The following TAS2R1 variants were observed in gnomAD, a reference collection of about 807,000 sequenced individuals.
The protein encoded by TAS2R1 is taste 2 receptor member 1.
For missense variants in TAS2R1, 370 were observed against 353.4 expected (o/e 1.05, Z -0.38); for synonymous variants, 141 against 134.2 (o/e 1.05, Z -0.35).
At chr5:9,870,635 C>A in the TAS2R1 span, among the ~76,000 whole-genome samples, 1 of 152,030 alleles carries the variant, frequency 6.6e-6, no homozygotes, top group Non-Finnish European at 1.5e-5. Context: ...TAAATAATGG[C>A]AAACATAGAA....
chr5:9,830,930 G>A, the TAS2R1 span, among the ~76,000 whole-genome samples: 1 of 152,104 alleles, frequency 6.6e-6, no homozygotes. Flanking sequence ...TGACTCAGAG[G>A]CTTTAGTCTT....
chr5:9,786,748 T>A, the TAS2R1 span, among the ~76,000 whole-genome samples: 6 of 152,314 alleles, frequency 3.9e-5, no homozygotes, highest in South Asian at 1.2e-3. Context: ...AAGGACTGTT[T>A]GTGAAATAAG....
chr5:9,834,138 G>T, the TAS2R1 span, among the ~76,000 whole-genome samples: 1 of 152,196 alleles, frequency 6.6e-6, no homozygotes, highest in Non-Finnish European at 1.5e-5. Context: ...TAGGGAAAGG[G>T]CAGGAAGCAG....
At chr5:9,872,538 A>G in the TAS2R1 span, among the ~76,000 whole-genome samples, 1 of 152,258 alleles carries the variant, frequency 6.6e-6, no homozygotes, top group Admixed American at 6.5e-5. Context: ...ATATTTAATT[A>G]GATATTTCCA....
the TAS2R1 span, chr5:9,902,851 G>C: frequency 2.6e-5 from 4 of 151,712 alleles, no homozygotes; most frequent in African/African-American, 9.7e-5. Context: ...AGCTTAACCA[G>C]GTTCTCACGG....
At chr5:9,676,742 A>C (rs942783108) in intron 1 of TAS2R1, among the ~76,000 whole-genome samples, 1 of 152,212 alleles carries the variant, frequency 6.6e-6, no homozygotes, top group Non-Finnish European at 1.5e-5. Flanking sequence ...CCATAAGAGA[A>C]AAATTTGATA....
the TAS2R1 span, among the ~76,000 whole-genome samples, chr5:9,794,319 G>T: frequency 1.3e-5 from 2 of 152,140 alleles, no homozygotes; most frequent in Non-Finnish European, 2.9e-5. Context: ...AGCTGGGTAA[G>T]TGATTTGAAG....
At chr5:9,898,691 C>A in the TAS2R1 span, among the ~76,000 whole-genome samples, 1 of 152,116 alleles carries the variant, frequency 6.6e-6, no homozygotes, top group African/African-American at 2.4e-5. Context: ...CACAGAATTC[C>A]CAATTAAGAG....
At chr5:9,879,853 T>A in the TAS2R1 span, among the ~76,000 whole-genome samples, 2 of 152,200 alleles carry the variant, frequency 1.3e-5, no homozygotes, top group Admixed American at 6.5e-5. Flanking sequence ...GATGTTGCCT[T>A]GTGTTCCTTT....
chr5:9,718,261 G>A, the TAS2R1 span, among the ~76,000 whole-genome samples: 280 of 151,832 alleles, frequency 1.8e-3, 1 homozygote, highest in Middle Eastern at 3.4e-3. Flanking sequence ...GAGCCACTGC[G>A]CCCAGCCACC....
chr5:9,861,037 G>GGTTTTTTTTTTTTTTTTT, the TAS2R1 span, among the ~76,000 whole-genome samples: 6 of 88,608 alleles, frequency 6.8e-5, no homozygotes, highest in African/African-American at 2.6e-4. Flanking sequence ...GGAAGATGAG[G>GGTTTTTTTTTTTTTTTTT]TTTTTTTTTT....
chr5:9,718,139 T>TC, the TAS2R1 span, among the ~76,000 whole-genome samples: 1 of 151,616 alleles, frequency 6.6e-6, no homozygotes, highest in South Asian at 2.1e-4. Context: ...TTTTTTTTTT[T>TC]TTTGTATTTT....
At chr5:9,710,835 G>A (rs1209422357) in intron 1 of TAS2R1, among the ~76,000 whole-genome samples, 1 of 149,218 alleles carries the variant, frequency 6.7e-6, no homozygotes, top group Non-Finnish European at 1.5e-5. Flanking sequence ...AAACCACAAT[G>A]AGATAGCACC....
At chr5:9,841,703 G>C in the TAS2R1 span, among the ~76,000 whole-genome samples, 1 of 152,108 alleles carries the variant, frequency 6.6e-6, no homozygotes. Context: ...AAAGGCTGTG[G>C]CCAGTCTACC....
the TAS2R1 span, among the ~76,000 whole-genome samples, chr5:9,861,037 G>GGTTTTTTTTTTTTTTTTTTTTTTTTTTTT: frequency 2.3e-5 from 2 of 88,612 alleles, no homozygotes; most frequent in African/African-American, 8.5e-5. Flanking sequence ...GGAAGATGAG[G>GGTTTTTTTTTTTTTTTTTTTTTTTTTTTT]TTTTTTTTTT....
At chr5:9,826,998 C>T in the TAS2R1 span, among the ~76,000 whole-genome samples, 1 of 152,168 alleles carries the variant, frequency 6.6e-6, no homozygotes, top group African/African-American at 2.4e-5. Context: ...CTTTTAGCTC[C>T]AATTTCCACC....
intron 1 of TAS2R1, among the ~76,000 whole-genome samples, chr5:9,674,461 G>A (rs987120584): frequency 6.6e-6 from 1 of 152,024 alleles, no homozygotes; most frequent in Non-Finnish European, 1.5e-5. Context: ...AGAACCTGGG[G>A]CCAGATGGTA....
At chr5:9,705,861 C>T (rs1198007171) in intron 1 of TAS2R1, among the ~76,000 whole-genome samples, 3 of 148,906 alleles carry the variant, frequency 2.0e-5, no homozygotes, top group Non-Finnish European at 3.0e-5. Context: ...AAACTCCATC[C>T]CCCCCCAAAA....
chr5:9,791,589 C>T, the TAS2R1 span, among the ~76,000 whole-genome samples: 1 of 152,066 alleles, frequency 6.6e-6, no homozygotes, highest in Non-Finnish European at 1.5e-5. Context: ...ATTCTGGCTG[C>T]ACAACAGGCT....
Sources: gnomAD v4.1 joint callset for allele counts (sites outside exome capture counted in the v4.1 genomes callset) on GRCh38, gnomAD v4.1.1 for gene constraint, MANE v1.5 for transcripts, NCBI Gene and HGNC (gene_info 2026-07-23, HGNC 2026-07-21) for gene names.